Variants in FAM227B observed in about 807,000 individuals in gnomAD.
FAM227B encodes protein FAM227B.
Under a neutral mutation model 73.8 loss-of-function variants are expected in FAM227B, and 88 were observed. That is an observed-to-expected ratio of 1.19 (90% confidence interval 1.00 to 1.42). The LOEUF (loss-of-function observed/expected upper bound fraction) is 1.42. FAM227B is among the 40% of genes most tolerant of loss of function. The pLI, the probability that FAM227B is intolerant of heterozygous loss-of-function variation, is 0.00. For synonymous variants in FAM227B, 210 were observed against 190.5 expected, an observed-to-expected ratio of 1.10 and a Z score of -0.84; for missense variants, 632 against 590.9, an observed-to-expected ratio of 1.07 and a Z score of -0.72.
At chr15:49,357,347 TAAAG>T (rs1258401478) in intron 13 of FAM227B, among the ~76,000 whole-genome samples, 4 of 139,256 alleles carry the variant, frequency 2.9e-5, no homozygotes, top group Non-Finnish European at 4.8e-5. Flanking sequence ...GCAAGACTAA[TAAAG>T]AAAAAAAGAG....
intron 9 of FAM227B, among the ~76,000 whole-genome samples, chr15:49,558,158 A>C (rs1342939068): frequency 1.3e-5 from 2 of 152,012 alleles, no homozygotes; most frequent in Non-Finnish European, 2.9e-5. Context: ...GTGGGTGGTC[A>C]CAGCTCTGCA....
chr15:49,369,928 C>T (rs2045696478), intron 12 of FAM227B, among the ~76,000 whole-genome samples: 1 of 152,048 alleles, frequency 6.6e-6, no homozygotes, highest in South Asian at 2.1e-4. Flanking sequence ...TTTCAGAGCT[C>T]TTCATAATTA....
chr15:49,405,839 T>A (rs138679273), intron 11 of FAM227B, among the ~76,000 whole-genome samples: 1 of 152,342 alleles, frequency 6.6e-6, no homozygotes, highest in African/African-American at 2.4e-5. Flanking sequence ...TTTTGAGTTG[T>A]CAGGGTTCTT....
At chr15:49,419,262 T>C (rs967567553) in intron 11 of FAM227B, among the ~76,000 whole-genome samples, 7 of 152,132 alleles carry the variant, frequency 4.6e-5, no homozygotes, top group Non-Finnish European at 1.0e-4. Flanking sequence ...TCCCCAAATA[T>C]GGGGGCCATA....
chr15:49,543,249 C>T (rs1397273247), intron 9 of FAM227B, among the ~76,000 whole-genome samples: 2 of 152,120 alleles, frequency 1.3e-5, no homozygotes, highest in East Asian at 3.8e-4. Flanking sequence ...TTGTATTTCC[C>T]TAATAATCAG....
chr15:49,600,578 C>A (rs2077129944), intron 3 of FAM227B, among the ~76,000 whole-genome samples: 1 of 150,754 alleles, frequency 6.6e-6, no homozygotes, highest in Admixed American at 6.6e-5. Flanking sequence ...TCTCTTGAAC[C>A]CGGGAGGGAG....
chr15:49,619,620 A>G (rs1312298825), intron 1 of FAM227B, among the ~76,000 whole-genome samples: 1 of 152,242 alleles, frequency 6.6e-6, no homozygotes, highest in Non-Finnish European at 1.5e-5. Context: ...GGTTGTTTTA[A>G]GCCACCATAT....
chr15:49,397,220 C>T (rs192564550), intron 11 of FAM227B, among the ~76,000 whole-genome samples: 53 of 152,040 alleles, frequency 3.5e-4, no homozygotes, highest in South Asian at 1.7e-3. Flanking sequence ...CAGGAGCCGA[C>T]GCGATCAACT....
intron 5 of FAM227B, among the ~76,000 whole-genome samples, chr15:49,582,699 C>A (rs947177637): frequency 9.2e-5 from 14 of 152,206 alleles, no homozygotes; most frequent in African/African-American, 3.4e-4. Context: ...CCACATGGGA[C>A]ATACTCTAAA....
At chr15:49,339,834 G>A (rs1308392054) in intron 13 of FAM227B, among the ~76,000 whole-genome samples, 3 of 152,184 alleles carry the variant, frequency 2.0e-5, no homozygotes, top group Non-Finnish European at 4.4e-5. Context: ...GTAGAGGAAT[G>A]AATCTAGAGA....
intron 7 of FAM227B, among the ~76,000 whole-genome samples, chr15:49,575,799 T>C (rs1439584971): frequency 6.6e-6 from 1 of 152,168 alleles, no homozygotes; most frequent in Non-Finnish European, 1.5e-5. Context: ...CCTGAGCCTG[T>C]GTAGTATTCT....
In FAM227B at chr15:49,371,374, A is replaced by C; in HGVS notation, c.1038T>G (p.Ile346Met). The change falls in exon 12 of 16, where the codon ATT becomes ATG. Residue 346 changes from isoleucine to methionine, a missense_variant. Ile to Met is a conservative substitution (Grantham distance 10). Transcript: ENST00000299338. The part of the protein sequence containing the change: ...STSIDFNIIK[I>M]LNNPRAYTLP... ...ACGTATATGCTCTTGGGTTGTTCAGAATCTTTATAATATTGAAGTCGATAC... is the reference window on the plus strand; with the variant it reads ...ACGTATATGCTCTTGGGTTGTTCAGCATCTTTATAATATTGAAGTCGATAC... 1 of 1,579,658 alleles carries C rather than the reference A, an allele frequency of 6.3e-7. No individual in the cohort carries two copies. Among genetic ancestry groups the C allele is most frequent in the Non-Finnish European group, 8.6e-7 (1 of 1,159,168 alleles).
intron 10 of FAM227B, among the ~76,000 whole-genome samples, chr15:49,513,192 A>C (rs759298154): frequency 1.3e-5 from 2 of 152,188 alleles, no homozygotes; most frequent in Non-Finnish European, 2.9e-5. Flanking sequence ...TGCCTTCCAC[A>C]ATGGTTGAAC....
chr15:49,523,047 G>A (rs1480094063), intron 10 of FAM227B, among the ~76,000 whole-genome samples: 1 of 152,034 alleles, frequency 6.6e-6, no homozygotes, highest in Non-Finnish European at 1.5e-5. Flanking sequence ...TCTCTTCAAT[G>A]TGAAAGAAAA....
intron 3 of FAM227B, among the ~76,000 whole-genome samples, chr15:49,604,092 T>A (rs1030231609): frequency 6.6e-6 from 1 of 152,222 alleles, no homozygotes; most frequent in Admixed American, 6.5e-5. Context: ...TTAACTCTTA[T>A]AATAGAGTTA....
At chr15:49,352,469 T>C (rs916331820) in intron 13 of FAM227B, among the ~76,000 whole-genome samples, 14 of 152,194 alleles carry the variant, frequency 9.2e-5, no homozygotes, top group Admixed American at 8.5e-4. Context: ...GAAATCCTTG[T>C]AGGGTATTGG....
In FAM227B at chr15:49,524,310, C is replaced by T. The variant is rs377235201; in HGVS notation, c.875-15962G>A. On this transcript the variant is annotated intron_variant, in intron 10 of 15. Transcript: ENST00000299338. ...TGTGTTCCAGCCACTCCAGTCATAG[C>T]TAAAAGGGGCTCGAGTGGTTTGTTC... Among the ~76,000 whole-genome samples, 4 of 151,854 alleles carry T rather than the reference C, an allele frequency of 2.6e-5. No individual in the cohort carries two copies. The East Asian group carries it at 5.8e-4, about 22-fold the overall frequency.
chr15:49,552,474 C>A (rs2073147674), intron 9 of FAM227B, among the ~76,000 whole-genome samples: 1 of 152,098 alleles, frequency 6.6e-6, no homozygotes, highest in African/African-American at 2.4e-5. Context: ...TTGGGTTAAA[C>A]CTGCTTAGTG....
intron 2 of FAM227B, among the ~76,000 whole-genome samples, chr15:49,614,485 A>G (rs913654959): frequency 6.6e-6 from 1 of 152,230 alleles, no homozygotes; most frequent in South Asian, 2.1e-4. Flanking sequence ...TTCTCAGCAT[A>G]AGGCCCTGTG....
Sources: gnomAD v4.1 joint callset for allele counts (sites outside exome capture counted in the v4.1 genomes callset) on GRCh38, gnomAD v4.1.1 for gene constraint, MANE v1.5 for transcripts, NCBI Gene and HGNC (gene_info 2026-07-23, HGNC 2026-07-21) for gene names.